The following FGF12 variants were observed in gnomAD, a reference collection of about 807,000 sequenced individuals.
FGF12 encodes the protein fibroblast growth factor 12.
Under a neutral mutation model 23.6 loss-of-function variants are expected in FGF12, and 14 were observed. The ratio of observed to expected loss-of-function variants is 0.59; its 90% confidence interval spans 0.39 to 0.93. FGF12 has a LOEUF of 0.93. Among genes scored for constraint, FGF12 ranks in the 40% least tolerant of loss-of-function variants. The pLI is 0.00. For synonymous variants in FGF12, 62 were observed against 77.3 expected, an observed-to-expected ratio of 0.80 and a Z score of 1.04; for missense variants, 175 against 217.8, an observed-to-expected ratio of 0.80 and a Z score of 1.24.
intron 2 of FGF12, among the ~76,000 whole-genome samples, chr3:192,718,161 C>CTTTTTTTTTTTTTTT (rs71177369): frequency 1.3e-5 from 1 of 77,970 alleles, no homozygotes; most frequent in African/African-American, 4.9e-5. Flanking sequence ...GTTAGTCTTT[C>CTTTTTTTTTTTTTTT]TTTTTTTTTT....
chr3:192,308,740 T>C (rs1028929484), intron 4 of FGF12, among the ~76,000 whole-genome samples: 1 of 151,350 alleles, frequency 6.6e-6, no homozygotes, highest in African/African-American at 2.4e-5. Context: ...CCAAACCAAA[T>C]AAGGTCCTTT....
At chr3:192,168,744 C>A (rs921008075) in intron 5 of FGF12, among the ~76,000 whole-genome samples, 4 of 152,072 alleles carry the variant, frequency 2.6e-5, no homozygotes, top group Admixed American at 2.6e-4. Flanking sequence ...TTATAGAAGA[C>A]AAAGGGAGAT....
At chr3:192,429,339 G>A (rs1721782930) in intron 2 of FGF12, among the ~76,000 whole-genome samples, 1 of 152,098 alleles carries the variant, frequency 6.6e-6, no homozygotes, top group East Asian at 1.9e-4. Flanking sequence ...GGAAGGAGGA[G>A]CTTGTCCTCT....
chr3:192,710,086 T>G (rs1462675987), intron 2 of FGF12, among the ~76,000 whole-genome samples: 2 of 152,200 alleles, frequency 1.3e-5, no homozygotes, highest in Admixed American at 6.5e-5. Flanking sequence ...ATTTGCATGG[T>G]GTTTTCTCAA....
rs143129213 is a variant in FGF12, at chr3:192,186,882, C to T, written c.229-16226G>A. ...TCCCCCTGAAATGTACCAACACACT[C>T]AAACATAGTCTGCTCTTTTCAGATA... On this transcript the variant is annotated intron_variant, in intron 4 of 5. Coordinates refer to ENST00000445105, the MANE Select transcript of FGF12 (RefSeq NM_004113.6). Among the ~76,000 whole-genome samples, 440 of 152,312 alleles carry T rather than the reference C, an allele frequency of 2.9e-3. 1 individual carries two copies. The highest frequency in any genetic ancestry group is 0.01 in the Middle Eastern group (3 of 294).
intron 2 of FGF12, among the ~76,000 whole-genome samples, chr3:192,609,455 GC>G (rs1187166261): frequency 6.6e-6 from 1 of 152,106 alleles, no homozygotes; most frequent in African/African-American, 2.4e-5. Context: ...AAGATATATT[GC>G]CTTATACGGC....
Position 192,486,478 on chromosome 3 carries a change from C to T in FGF12, c.14-125940G>A, listed in dbSNP as rs576643588. Among the ~76,000 whole-genome samples the T allele has an allele frequency of 4.8e-4, 73 of 151,846 alleles. 1 individual carries two copies. In the South Asian group the frequency reaches 0.014, roughly 30 times the overall value. ...GCCATGTAAAAACAAAGAGTGAACA[C>T]GGATGGCAAGGGGAAATGTTGCAGA... On this transcript the variant is annotated intron_variant, in intron 2 of 5. Transcript: ENST00000445105.
At chr3:192,314,552 C>A (rs567609134) in intron 4 of FGF12, among the ~76,000 whole-genome samples, 1 of 152,204 alleles carries the variant, frequency 6.6e-6, no homozygotes, top group South Asian at 2.1e-4. Flanking sequence ...GTAAAGAGGC[C>A]TTGGACATAA....
chr3:192,434,131 G>GA (rs1346117440), intron 2 of FGF12, among the ~76,000 whole-genome samples: 1 of 151,792 alleles, frequency 6.6e-6, no homozygotes, highest in Non-Finnish European at 1.5e-5. Flanking sequence ...ACCAATTGTG[G>GA]AAAAAAAATT....
chr3:192,163,728 A>G (rs1371850073), intron 5 of FGF12, among the ~76,000 whole-genome samples: 5 of 152,066 alleles, frequency 3.3e-5, no homozygotes, highest in Admixed American at 2.6e-4. Context: ...TTGGGAAATG[A>G]CAGTTTACAT....
Position 192,550,733 on chromosome 3 carries a change from A to G in FGF12, c.13+176448T>C, listed in dbSNP as rs573891564. On this transcript the variant is annotated intron_variant, in intron 2 of 5. Coordinates refer to ENST00000445105, the MANE Select transcript of FGF12 (RefSeq NM_004113.6). The stretch of plus-strand genomic sequence containing the variant: ...GGTAGATTGGAGGTACACAGGGGAA[A>G]ATTTCTGATACATAACCAAAGAGTT... 8.6e-4 allele frequency among the ~76,000 whole-genome samples: 131 copies of G among 152,266 alleles called. 1 individual carries two copies. Among genetic ancestry groups the G allele is most frequent in the African/African-American group, 2.8e-3 (118 of 41,548 alleles).
chr3:192,621,381 C>G (rs1714968895), intron 2 of FGF12, among the ~76,000 whole-genome samples: 1 of 152,046 alleles, frequency 6.6e-6, no homozygotes, highest in South Asian at 2.1e-4. Context: ...CTGTGTAGTT[C>G]AGCTATGCAG....
intron 2 of FGF12, among the ~76,000 whole-genome samples, chr3:192,368,168 C>T (rs1033415054): frequency 6.6e-6 from 1 of 152,020 alleles, no homozygotes; most frequent in Non-Finnish European, 1.5e-5. Context: ...ATGATTTCCA[C>T]AGTGCAACTA....
intron 4 of FGF12, among the ~76,000 whole-genome samples, chr3:192,290,159 T>G (rs1714678928): frequency 2.6e-5 from 4 of 152,162 alleles, no homozygotes. Flanking sequence ...AATAATATAT[T>G]GTGTAATGCA....
chr3:192,601,644 C>G (rs1323597172), intron 2 of FGF12, among the ~76,000 whole-genome samples: 4 of 152,006 alleles, frequency 2.6e-5, no homozygotes, highest in African/African-American at 9.7e-5. Context: ...CGGCAAAGCA[C>G]AGAGGACTTT....
chr3:192,486,695 G>A (rs1043091314), intron 2 of FGF12, among the ~76,000 whole-genome samples: 6 of 152,022 alleles, frequency 3.9e-5, no homozygotes, highest in Non-Finnish European at 7.4e-5. Context: ...TTCATTCTGA[G>A]TGGAATGGGA....
intron 4 of FGF12, among the ~76,000 whole-genome samples, chr3:192,255,638 CA>C (rs1288089734): frequency 1.3e-5 from 2 of 151,998 alleles, no homozygotes; most frequent in African/African-American, 4.8e-5. Context: ...TTATTATTTG[CA>C]ATCTCTGATT....
chr3:192,561,594 C>T (rs1260811774), intron 2 of FGF12, among the ~76,000 whole-genome samples: 1 of 152,102 alleles, frequency 6.6e-6, no homozygotes. Flanking sequence ...GATCTCCTGA[C>T]CTTGTGATCC....
At chr3:192,467,732 A>T (rs567857717) in intron 2 of FGF12, among the ~76,000 whole-genome samples, 22 of 152,304 alleles carry the variant, frequency 1.4e-4, no homozygotes, top group Admixed American at 3.9e-4. Context: ...GCACATGAAG[A>T]ACCACTGAAT....
Sources: allele counts gnomAD v4.1 joint callset (sites outside exome capture counted in the v4.1 genomes callset), GRCh38; gene constraint gnomAD v4.1.1; transcripts MANE v1.5; gene names NCBI Gene and HGNC (gene_info 2026-07-23, HGNC 2026-07-21).